The following RAB17 variants were observed in gnomAD, a reference collection of about 807,000 sequenced individuals.
RAB17 encodes ras-related protein Rab-17.
Under a neutral mutation model 19.3 loss-of-function variants are expected in RAB17, and 15 were observed. That is an observed-to-expected ratio of 0.78 (90% CI 0.52 to 1.20). RAB17 has a LOEUF of 1.20. RAB17 is among the 50% of genes most tolerant of loss of function. The pLI is 0.00. For missense variants in RAB17, 262 were observed against 269.3 expected, an observed-to-expected ratio of 0.97 and a Z score of 0.19; for synonymous variants, 110 against 112.8, an observed-to-expected ratio of 0.97 and a Z score of 0.16.
rs959276484 is a variant in RAB17, at chr2:237,574,860, C to T, written c.*159G>A. On this transcript the variant is annotated 3_prime_UTR_variant, in exon 6 of 6. Coordinates refer to ENST00000264601, the MANE Select transcript of RAB17 (RefSeq NM_022449.4). ...CGCCAGATCTTCCTCTGGCAGTTCC[C>T]ACTGGCTGTGGGAAGTGGTTTTCAT... 4.8e-5 allele frequency: 39 copies of T among 814,556 alleles called. No individual in the cohort carries two copies. The highest frequency in any genetic ancestry group is 7.1e-5 in the Non-Finnish European group (39 of 545,766). The allele number at this position is 814,556 out of a possible 1,614,324, so 50.5% of individuals were successfully genotyped here. A position where few individuals can be genotyped will look rare whatever the true frequency, so the allele number is the denominator to read the frequency against.
chr2:237,576,722 G>A (rs755393871), intron 4 of RAB17: 1 of 471,100 alleles, frequency 2.1e-6, no homozygotes, highest in African/African-American at 2.0e-5. Context: ...GGATGCCGTG[G>A]AAGAGAAACA....
intron 2 of RAB17, among the ~76,000 whole-genome samples, chr2:237,580,771 GA>G (rs1297914325): frequency 1.3e-5 from 2 of 151,590 alleles, no homozygotes; most frequent in Admixed American, 1.3e-4. Flanking sequence ...GGGAGGAGGG[GA>G]GGGAAAATGA....
chr2:237,585,700 A>C (rs2081344197), intron 2 of RAB17: 1 of 262,320 alleles, frequency 3.8e-6, no homozygotes, highest in East Asian at 8.3e-5. Context: ...CACCAGCATA[A>C]TCCCTCGCAC....
intron 2 of RAB17, among the ~76,000 whole-genome samples, chr2:237,581,006 G>A (rs1017194923): frequency 2.0e-5 from 3 of 152,208 alleles, no homozygotes. Context: ...TGACCCGGAA[G>A]ACAGCATGCA....
chr2:237,586,050 C>A lies in RAB17; in HGVS notation c.105G>T (p.Leu35Phe). 1.9e-6 allele frequency: 3 copies of A among 1,613,372 alleles called. No homozygotes were observed. Among genetic ancestry groups the A allele is most frequent in the Non-Finnish European group, 2.5e-6 (3 of 1,179,696 alleles). The change falls in exon 2 of 6, where the codon TTG becomes TTT. Residue 35 changes from leucine (L) to phenylalanine (F), a missense_variant. Coordinates refer to ENST00000264601, the MANE Select transcript of RAB17 (RefSeq NM_022449.4). ...AGTCGTTCTTCACGTACCGAAGAGCCAAGCTGGACTTACCCACGGAGCCAC... is the reference window on the plus strand; with the variant it reads ...AGTCGTTCTTCACGTACCGAAGAGCAAAGCTGGACTTACCCACGGAGCCAC... ...LGSGSVGKSS[L>F]ALRYVKNDFK...
At chr2:237,575,579 G>A (rs10202062) in intron 4 of RAB17, 99 bp from the exon 5 acceptor site, 271,894 of 898,762 alleles carry the variant, frequency 0.3, 49,307 homozygotes, top group African/African-American at 0.77. Flanking sequence ...AGCTGCAGCC[G>A]TGGAGCCCGC....
At chr2:237,581,134 A>G (rs930463531) in intron 2 of RAB17, among the ~76,000 whole-genome samples, 2 of 152,182 alleles carry the variant, frequency 1.3e-5, no homozygotes, top group Non-Finnish European at 2.9e-5. Context: ...CATGCCTGTA[A>G]CCCCAGCATT....
rs139716944 is a variant in RAB17 at position 237,580,472 on chromosome 2, G to A, written c.158-2317C>T. 9.6e-3 allele frequency among the ~76,000 whole-genome samples: 1,458 copies of A among 152,234 alleles called. 16 individuals are homozygous for A. Among genetic ancestry groups the A allele is most frequent in the African/African-American group, 0.034 (1,396 of 41,516 alleles). On this transcript the variant is annotated intron_variant, in intron 2 of 5. Coordinates refer to ENST00000264601, the MANE Select transcript of RAB17 (RefSeq NM_022449.4). ...ATGATGGCTGGAGGCTGGGCACAGT[G>A]GCTCATGCCTGTAATCCCAGCACTT...
rs542845053 is a variant in RAB17, at chr2:237,574,985, G to A, written c.*34C>T. 6 of 1,485,182 alleles carry A rather than the reference G, an allele frequency of 4.0e-6. No homozygotes were observed. Among genetic ancestry groups the A allele is most frequent in the Non-Finnish European group, 3.7e-6 (4 of 1,088,986 alleles). The allele number at this position is 1,485,182 out of a possible 1,614,324, so 92.0% of individuals were successfully genotyped here. On this transcript the variant is annotated 3_prime_UTR_variant, in exon 6 of 6. Transcript: ENST00000264601. ...GAGCTGGCCATGGCCCAGGCAGGGG[G>A]TGTCTTCCCCACAGCCCCCAGGAGT...
At chr2:237,582,066 G>A (rs1224383745) in intron 2 of RAB17, among the ~76,000 whole-genome samples, 1 of 152,272 alleles carries the variant, frequency 6.6e-6, no homozygotes, top group Non-Finnish European at 1.5e-5. Context: ...GGGTGGGCGG[G>A]AGGCTGCGCT....
At chr2:237,576,913 CT>C (rs1410846264) in intron 4 of RAB17, among the ~76,000 whole-genome samples, 4 of 152,220 alleles carry the variant, frequency 2.6e-5, no homozygotes, top group Admixed American at 6.5e-5. Context: ...CCGCCCTGCC[CT>C]TCCCTCTGCC....
chr2:237,579,351 T>C (rs538633004), intron 2 of RAB17: 1 of 152,424 alleles, frequency 6.6e-6, no homozygotes, highest in Non-Finnish European at 1.5e-5. Flanking sequence ...TTAGCAAATT[T>C]CTTCCTGCAG....
chr2:237,574,861 A>G lies in RAB17; in HGVS notation c.*158T>C, dbSNP rs2081248312. 2.5e-6 allele frequency: 2 copies of G among 810,918 alleles called. No homozygotes were observed. The highest frequency in any genetic ancestry group is 5.7e-5 in the East Asian group (2 of 34,946). 50.2% of individuals were successfully genotyped at this position (810,918 alleles called of 1,614,324 possible). On this transcript the variant is annotated 3_prime_UTR_variant, in exon 6 of 6. Coordinates refer to ENST00000264601, the MANE Select transcript of RAB17 (RefSeq NM_022449.4). The stretch of plus-strand genomic sequence containing the variant: ...GCCAGATCTTCCTCTGGCAGTTCCC[A>G]CTGGCTGTGGGAAGTGGTTTTCATA...
chr2:237,574,578 C>G lies in RAB17; in HGVS notation c.*441G>C. ...TCGCTCCATTTCTTCCTGGCACCAC[C>G]ACCTCCATCTGGCCTGCTCCCCAAC... On this transcript the variant is annotated 3_prime_UTR_variant, in exon 6 of 6. Transcript: ENST00000264601. 5.8e-6 allele frequency: 9 copies of G among 1,549,368 alleles called. No individual in the cohort carries two copies. The highest frequency in any genetic ancestry group is 7.9e-6 in the Non-Finnish European group (9 of 1,146,414).
intron 2 of RAB17, 80 bp downstream of exon 2, chr2:237,585,917 TC>T: frequency 7.0e-7 from 1 of 1,434,504 alleles, no homozygotes; most frequent in Non-Finnish European, 9.4e-7. Context: ...GTGGGCCTCG[TC>T]CCCATCTGCC....
At chr2:237,576,615 C>A (rs1228415793) in intron 4 of RAB17, 3 of 471,130 alleles carry the variant, frequency 6.4e-6, no homozygotes, top group East Asian at 1.4e-4. Flanking sequence ...GTTGGGTCTT[C>A]CCCTGCGCCA....
chr2:237,575,251 C>T, intron 5 of RAB17, 123 bp from the exon 6 acceptor site: 1 of 990,764 alleles, frequency 1.0e-6, no homozygotes, highest in Non-Finnish European at 1.5e-6. Flanking sequence ...AGAACAAGGG[C>T]CTCCTGCCCC....
rs544207910 is a variant in RAB17 at position 237,574,884 on chromosome 2, A to C, written c.*135T>G. On this transcript the variant is annotated 3_prime_UTR_variant, in exon 6 of 6. Coordinates refer to ENST00000264601, the MANE Select transcript of RAB17 (RefSeq NM_022449.4). Reference sequence around the variant, plus strand: ...CCACTGGCTGTGGGAAGTGGTTTTCATAAAGGGGGCCAACTTCCAGGAACA... The same window carrying C: ...CCACTGGCTGTGGGAAGTGGTTTTCCTAAAGGGGGCCAACTTCCAGGAACA... The C allele has an allele frequency of 1.2e-6, 1 of 851,226 alleles. No individual in the cohort carries two copies. Among genetic ancestry groups the C allele is most frequent in the South Asian group, 2.2e-5 (1 of 46,116 alleles). The allele number at this position is 851,226 out of a possible 1,614,324, so 52.7% of individuals were successfully genotyped here. A position where few individuals can be genotyped will look rare whatever the true frequency, so the allele number is the denominator to read the frequency against.
chr2:237,576,685 T>C (rs1164237730), intron 4 of RAB17: 2 of 471,134 alleles, frequency 4.2e-6, no homozygotes, highest in Admixed American at 4.7e-5. Context: ...TTACACGGTC[T>C]TCGTCCTAAA....
Sources: allele counts gnomAD v4.1 joint callset (sites outside exome capture counted in the v4.1 genomes callset), GRCh38; gene constraint gnomAD v4.1.1; transcripts MANE v1.5; gene names NCBI Gene and HGNC (gene_info 2026-07-23, HGNC 2026-07-21).